The following ELOVL5 variants were observed in gnomAD, a reference collection of about 807,000 sequenced individuals.
The protein encoded by ELOVL5 is very long chain fatty acid elongase 5.
A neutral mutation model predicts 38.6 loss-of-function variants in ELOVL5; 8 were observed. That is an observed-to-expected ratio of 0.21 (90% CI 0.12 to 0.37). The LOEUF is 0.37. Ranked by LOEUF, ELOVL5 falls within the 10% of genes least tolerant of loss-of-function variation. The pLI, the probability that ELOVL5 is intolerant of heterozygous loss-of-function variation, is 1.00. For missense variants in ELOVL5, 280 were observed against 367.8 expected (o/e 0.76, Z 1.95); for synonymous variants, 127 against 133.7 (o/e 0.95, Z 0.34).
intron 1 of ELOVL5, among the ~76,000 whole-genome samples, chr6:53,305,164 C>A (rs1468205257): frequency 1.3e-5 from 2 of 150,284 alleles, no homozygotes; most frequent in African/African-American, 4.9e-5. Context: ...CTGACCCCCC[C>A]ACCTCCCTCC....
At chr6:53,272,255 C>A (rs1765955252) in intron 6 of ELOVL5, among the ~76,000 whole-genome samples, 1 of 152,194 alleles carries the variant, frequency 6.6e-6, no homozygotes, top group Admixed American at 6.5e-5. Flanking sequence ...AGTCAGCTAG[C>A]TTTGGCCTAT....
At chr6:53,290,628 C>T (rs1766738391) in intron 3 of ELOVL5, 1 of 152,256 alleles carries the variant, frequency 6.6e-6, no homozygotes, top group Non-Finnish European at 1.5e-5. Flanking sequence ...ATCTACCATT[C>T]TATTCAGAAT....
chr6:53,305,522 G>C (rs1382325427), intron 1 of ELOVL5, among the ~76,000 whole-genome samples: 2 of 151,082 alleles, frequency 1.3e-5, no homozygotes, highest in Non-Finnish European at 3.0e-5. Flanking sequence ...TCACTTCTCA[G>C]ACGGGGCGGC....
At chr6:53,312,966 G>T (rs1471468047) in intron 1 of ELOVL5, among the ~76,000 whole-genome samples, 1 of 152,150 alleles carries the variant, frequency 6.6e-6, no homozygotes, top group Non-Finnish European at 1.5e-5. Context: ...TTTTCACAGT[G>T]GTCTGATGAA....
chr6:53,332,280 AC>A (rs929580503), intron 1 of ELOVL5, among the ~76,000 whole-genome samples: 1 of 152,178 alleles, frequency 6.6e-6, no homozygotes, highest in African/African-American at 2.4e-5. Flanking sequence ...GAGAAATTCA[AC>A]CCAATCAGCC....
chr6:53,313,393 C>T (rs1767916200), intron 1 of ELOVL5, among the ~76,000 whole-genome samples: 1 of 152,184 alleles, frequency 6.6e-6, no homozygotes, highest in Non-Finnish European at 1.5e-5. Flanking sequence ...TATGACATCA[C>T]TCTGTCTCCC....
At chr6:53,336,434 C>G (rs1422052254) in intron 1 of ELOVL5, among the ~76,000 whole-genome samples, 2 of 152,206 alleles carry the variant, frequency 1.3e-5, no homozygotes, top group Non-Finnish European at 2.9e-5. Context: ...CTGAAGCAGG[C>G]AGACTGCTTG....
chr6:53,270,713 C>G lies in ELOVL5; in HGVS notation c.636G>C (p.Leu212=). The G allele has an allele frequency of 1.2e-6, 2 of 1,614,140 alleles. No individual in the cohort carries two copies. Among genetic ancestry groups the G allele is most frequent in the South Asian group, 2.2e-5 (2 of 91,060 alleles). Residue 212 remains leucine, a synonymous_variant, in exon 7 of 8, where the codon CTG becomes CTC. Coordinates refer to ENST00000304434, the MANE Select transcript of ELOVL5 (RefSeq NM_021814.5). ...CCCCGCAGCTGGTCTGGATGATTGT[C>G]AGCACAAACTGAAGCTAGGGGAACA... ...ITQGQLLQFV[L]TIIQTSCGVI...
intron 5 of ELOVL5, among the ~76,000 whole-genome samples, chr6:53,274,328 T>C (rs956615805): frequency 2.6e-5 from 4 of 152,140 alleles, no homozygotes; most frequent in African/African-American, 9.7e-5. Flanking sequence ...TGGAAAGCTT[T>C]TTTTTTTTCC....
chr6:53,276,104 A>G (rs1581921117), intron 4 of ELOVL5, 75 bp downstream of exon 4: 6 of 1,066,460 alleles, frequency 5.6e-6, no homozygotes, highest in Non-Finnish European at 5.6e-6. Context: ...GTTATGGGCC[A>G]TTTTGTATTT....
Position 53,348,932 on chromosome 6 carries a change from A to T in ELOVL5, c.-124T>A. ...GTAGAAGGAGACACCGGTGGCTAGGACCCGCGCGATGGGAAGAGGAAGGCG... is the reference window on the plus strand; with the variant it reads ...GTAGAAGGAGACACCGGTGGCTAGGTCCCGCGCGATGGGAAGAGGAAGGCG... On this transcript the variant is annotated 5_prime_UTR_variant, in exon 1 of 8. Transcript: ENST00000304434. 4.6e-6 allele frequency: 2 copies of T among 438,072 alleles called. No individual in the cohort carries two copies. Among genetic ancestry groups the T allele is most frequent in the Non-Finnish European group, 9.2e-6 (2 of 218,354 alleles). The allele number at this position is 438,072 out of a possible 1,614,324, so 27.1% of individuals were successfully genotyped here.
chr6:53,299,082 C>G (rs1348034096), intron 1 of ELOVL5, among the ~76,000 whole-genome samples: 1 of 151,872 alleles, frequency 6.6e-6, no homozygotes, highest in East Asian at 1.9e-4. Flanking sequence ...ACCTGGTGAC[C>G]TAGAAAAAAT....
chr6:53,300,085 G>C (rs1035604682), intron 1 of ELOVL5, among the ~76,000 whole-genome samples: 1 of 152,094 alleles, frequency 6.6e-6, no homozygotes, highest in African/African-American at 2.4e-5. Flanking sequence ...CTGAGCTGTG[G>C]ATCCCAAGCT....
chr6:53,334,952 TTAGA>T (rs1398507307), intron 1 of ELOVL5, among the ~76,000 whole-genome samples: 1 of 152,198 alleles, frequency 6.6e-6, no homozygotes, highest in South Asian at 2.1e-4. Context: ...AAGGAAAGAG[TTAGA>T]TAGAGAAATG....
At chr6:53,283,561 T>C (rs1025012757) in intron 3 of ELOVL5, among the ~76,000 whole-genome samples, 4 of 152,148 alleles carry the variant, frequency 2.6e-5, no homozygotes, top group Non-Finnish European at 4.4e-5. Flanking sequence ...AATACTTCCA[T>C]GTTATGGAAT....
chr6:53,336,065 C>T (rs1200412454), intron 1 of ELOVL5, among the ~76,000 whole-genome samples: 1 of 152,186 alleles, frequency 6.6e-6, no homozygotes, highest in Non-Finnish European at 1.5e-5. Context: ...GCATGTCCAT[C>T]GCTGCAGCTG....
rs1458099004 is a variant in ELOVL5, at chr6:53,268,863, A to G, written c.*264T>C. The G allele has an allele frequency of 6.6e-6, 2 of 304,622 alleles. No homozygotes were observed. Among genetic ancestry groups the G allele is most frequent in the East Asian group, 5.4e-5 (1 of 18,464 alleles). The allele number at this position is 304,622 out of a possible 1,614,324, so 18.9% of individuals were successfully genotyped here. On this transcript the variant is annotated 3_prime_UTR_variant, in exon 8 of 8. Coordinates refer to ENST00000304434, the MANE Select transcript of ELOVL5 (RefSeq NM_021814.5). ...CTATCATGTTATAACTAATAAGGCA[A>G]CAGCAGTGTTGTATACTATAATAAT...
At chr6:53,290,232 T>C (rs1370739575) in intron 3 of ELOVL5, 1 of 152,246 alleles carries the variant, frequency 6.6e-6, no homozygotes, top group Admixed American at 6.5e-5. Context: ...GCTATATTTC[T>C]AGGGCTTAAG....
chr6:53,301,220 C>CCACGGTG, intron 1 of ELOVL5, among the ~76,000 whole-genome samples: 1 of 152,226 alleles, frequency 6.6e-6, no homozygotes, highest in East Asian at 1.9e-4. Context: ...CTCACTGGTG[C>CCACGGTG]GGTTTCCTAT....
Sources: allele counts gnomAD v4.1 joint callset (sites outside exome capture counted in the v4.1 genomes callset), GRCh38; gene constraint gnomAD v4.1.1; transcripts MANE v1.5; gene names NCBI Gene and HGNC (gene_info 2026-07-23, HGNC 2026-07-21).